MAGI1: variants seen among roughly 807,000 people sequenced by gnomAD.
MAGI1 encodes the protein membrane associated guanylate kinase, WW and PDZ domain containing 1, also known as membrane-associated guanylate kinase, WW and PDZ domain-containing protein 1.
MAGI1 carries 58 observed loss-of-function variants against 139.9 expected under a neutral mutation model. The ratio of observed to expected loss-of-function variants is 0.41; its 90% CI spans 0.34 to 0.52. MAGI1 has a LOEUF of 0.52. Ranked by LOEUF, MAGI1 falls within the 20% of genes least tolerant of loss-of-function variation. The pLI, the probability that MAGI1 is intolerant of heterozygous loss-of-function variation, is 0.12. For synonymous variants in MAGI1, 812 were observed against 737.9 expected (o/e 1.10, Z -1.63); for missense variants, 1,874 against 1,901.6 (o/e 0.99, Z 0.27).
intron 1 of MAGI1, chr3:65,720,150 T>C (rs1341642564): frequency 6.6e-6 from 1 of 152,124 alleles, no homozygotes; most frequent in Non-Finnish European, 1.5e-5. Context: ...GTGCCAGGCA[T>C]AGGGTAAGTG....
chr3:65,385,168 G>A (rs1943349330), intron 14 of MAGI1, among the ~76,000 whole-genome samples: 1 of 152,018 alleles, frequency 6.6e-6, no homozygotes, highest in Admixed American at 6.6e-5. Context: ...TGAATATCTT[G>A]TTTTTTAAAA....
At chr3:65,875,026 T>G (rs942699860) in intron 1 of MAGI1, 2 of 152,628 alleles carry the variant, frequency 1.3e-5, no homozygotes, top group African/African-American at 2.4e-5. Context: ...GTGACCAGCC[T>G]GGACAACACA....
At chr3:65,529,964 G>C (rs1356846238) in intron 2 of MAGI1, among the ~76,000 whole-genome samples, 1 of 151,858 alleles carries the variant, frequency 6.6e-6, no homozygotes, top group African/African-American at 2.4e-5. Context: ...TTCACATTTG[G>C]AATGTCTTAA....
intron 1 of MAGI1, among the ~76,000 whole-genome samples, chr3:65,832,292 A>C (rs952386416): frequency 2.0e-5 from 3 of 152,166 alleles, no homozygotes; most frequent in African/African-American, 7.2e-5. Flanking sequence ...AATTTGGTTA[A>C]GCCCTTTACA....
chr3:65,736,008 C>T (rs547707627), intron 1 of MAGI1, among the ~76,000 whole-genome samples: 109 of 152,176 alleles, frequency 7.2e-4, no homozygotes, highest in Non-Finnish European at 1.3e-3. Context: ...TCTGAACCCA[C>T]ATCTTCATCT....
intron 1 of MAGI1, among the ~76,000 whole-genome samples, chr3:65,991,815 G>C (rs1416906881): frequency 6.6e-6 from 1 of 152,096 alleles, no homozygotes; most frequent in African/African-American, 2.4e-5. Context: ...AGGAGTTTGA[G>C]ACCAGCCTGG....
At chr3:65,563,065 A>G (rs954733407) in intron 2 of MAGI1, among the ~76,000 whole-genome samples, 10 of 152,270 alleles carry the variant, frequency 6.6e-5, no homozygotes, top group African/African-American at 2.4e-4. Flanking sequence ...ATTTTTTATG[A>G]CTTCCCTTTA....
rs1336943436 is a variant in MAGI1, at chr3:65,883,649, C to T, written c.313+154347G>A. ...TGAAAAAGAAGTGTTGCTTTAAACA[C>T]TGGCATCAGACTATCCAGTTGTGAG... On this transcript the variant is annotated intron_variant, in intron 1 of 22. Coordinates refer to ENST00000402939, the MANE Select transcript of MAGI1 (RefSeq NM_001033057.2). Among the ~76,000 whole-genome samples the T allele has an allele frequency of 2.0e-5, 3 of 152,194 alleles. No homozygotes were observed. The East Asian group carries it at 5.8e-4, about 29-fold the overall frequency.
intron 12 of MAGI1, among the ~76,000 whole-genome samples, chr3:65,422,775 C>A (rs903023604): frequency 3.3e-5 from 5 of 152,020 alleles, no homozygotes; most frequent in Admixed American, 6.6e-5. Context: ...GATGAAATAA[C>A]CTCCGAGCCG....
Position 65,942,405 on chromosome 3 carries a change from TCAAA to T in MAGI1, c.313+95587_313+95590del, listed in dbSNP as rs573707547. 8.5e-5 allele frequency among the ~76,000 whole-genome samples: 13 copies of T among 152,274 alleles called. No individual in the cohort carries two copies. In the South Asian group the frequency reaches 2.5e-3, roughly 29 times the overall value. On this transcript the variant is annotated intron_variant, in intron 1 of 22. Transcript: ENST00000402939. ...GGAGAACTACTATCTTTTAGTAGCC[TCAAA>T]CAGACAGTTGATCATTCTGGGATTT...
intron 10 of MAGI1, among the ~76,000 whole-genome samples, chr3:65,434,358 C>T (rs576793510): frequency 3.9e-5 from 6 of 152,170 alleles, no homozygotes; most frequent in Middle Eastern, 3.4e-3. Context: ...GTTTTGATGG[C>T]GGTGGTGATA....
At chr3:65,778,802 C>T (rs1294748162) in intron 1 of MAGI1, among the ~76,000 whole-genome samples, 1 of 152,234 alleles carries the variant, frequency 6.6e-6, no homozygotes, top group East Asian at 1.9e-4. Context: ...AGACAACTCG[C>T]ATCTTGGATC....
intron 2 of MAGI1, among the ~76,000 whole-genome samples, chr3:65,527,782 G>A (rs2107827857): frequency 6.6e-6 from 1 of 151,904 alleles, no homozygotes; most frequent in East Asian, 1.9e-4. Context: ...AGGAGTGGTG[G>A]TGCATGCCTG....
At position 65,728,182 on chromosome 3, in the gene MAGI1, G is replaced by C. The variant is rs183910619; in HGVS notation, c.314-106094C>G. On this transcript the variant is annotated intron_variant, in intron 1 of 22. Coordinates refer to ENST00000402939, the MANE Select transcript of MAGI1 (RefSeq NM_001033057.2). ...TGTCTGGGACCATGAGAAGGCATCAGTCAAGAAAGATCTAGGGAAGGAGAT... is the reference window on the plus strand; with the variant it reads ...TGTCTGGGACCATGAGAAGGCATCACTCAAGAAAGATCTAGGGAAGGAGAT... Among the ~76,000 whole-genome samples the C allele has an allele frequency of 1.9e-3, 295 of 152,332 alleles. 1 individual carries two copies. The highest frequency in any genetic ancestry group is 3.4e-3 in the Middle Eastern group (1 of 294).
intron 2 of MAGI1, among the ~76,000 whole-genome samples, chr3:65,530,624 GGTGTGTGT>G (rs57337916): frequency 0.27 from 34,446 of 128,982 alleles, 5,221 homozygotes; most frequent in Admixed American, 0.31. Flanking sequence ...ATGTGTGTGT[GGTGTGTGT>G]GTGTGTGTGT....
At chr3:65,924,041 T>A (rs924207422) in intron 1 of MAGI1, among the ~76,000 whole-genome samples, 1 of 152,126 alleles carries the variant, frequency 6.6e-6, no homozygotes, top group Non-Finnish European at 1.5e-5. Flanking sequence ...CATTATTTCA[T>A]CTCTTGGGTA....
intron 2 of MAGI1, among the ~76,000 whole-genome samples, chr3:65,565,518 G>C (rs1316486644): frequency 6.6e-6 from 1 of 152,120 alleles, no homozygotes; most frequent in Admixed American, 6.6e-5. Context: ...AACTTCTCCA[G>C]TATGACAGTG....
At chr3:65,877,473 C>T (rs946057727) in intron 1 of MAGI1, among the ~76,000 whole-genome samples, 6 of 152,124 alleles carry the variant, frequency 3.9e-5, no homozygotes, top group East Asian at 1.9e-4. Flanking sequence ...CTTGTATCCA[C>T]GTAGAGAGGT....
At chr3:66,004,025 C>T (rs973886647) in intron 1 of MAGI1, 1 of 152,150 alleles carries the variant, frequency 6.6e-6, no homozygotes, top group African/African-American at 2.4e-5. Flanking sequence ...AACTAAAATG[C>T]TACTTCCTTT....
Sources: allele counts gnomAD v4.1 joint callset (sites outside exome capture counted in the v4.1 genomes callset), GRCh38; gene constraint gnomAD v4.1.1; transcripts MANE v1.5; gene names NCBI Gene and HGNC (gene_info 2026-07-23, HGNC 2026-07-21).